LRRC37A3: variants seen among roughly 807,000 people sequenced by gnomAD.
The protein encoded by LRRC37A3 is leucine rich repeat containing 37 member A3.
In LRRC37A3, 25 loss-of-function variants were observed where a neutral mutation model predicts 106.2. The observed-to-expected ratio is 0.24, with a 90% CI of 0.17 to 0.33. LRRC37A3 has a LOEUF of 0.33. Ranked by LOEUF, LRRC37A3 falls within the 10% of genes least tolerant of loss-of-function variation. LRRC37A3 has a pLI of 1.00. For synonymous variants in LRRC37A3, 305 were observed against 635.8 expected (o/e 0.48, Z 7.83); for missense variants, 712 against 1,644.9 (o/e 0.43, Z 9.81).
intron 2 of LRRC37A3, among the ~76,000 whole-genome samples, chr17:64,911,211 G>T: frequency 6.8e-6 from 1 of 147,862 alleles, no homozygotes; most frequent in East Asian, 2.0e-4. Flanking sequence ...CATTTCTGCT[G>T]CTCTTTATCT....
chr17:64,881,809 A>T (rs1306162868), intron 8 of LRRC37A3, among the ~76,000 whole-genome samples: 2 of 150,780 alleles, frequency 1.3e-5, no homozygotes, highest in Non-Finnish European at 2.9e-5. Flanking sequence ...GTGCTCAGCC[A>T]TCATGTCACA....
chr17:64,875,341 T>G (rs116924109), intron 8 of LRRC37A3, among the ~76,000 whole-genome samples: 29 of 152,172 alleles, frequency 1.9e-4, no homozygotes, highest in African/African-American at 6.3e-4. Flanking sequence ...TATTCAAAGT[T>G]CTGAAGAAAC....
intron 10 of LRRC37A3, among the ~76,000 whole-genome samples, chr17:64,867,840 G>A (rs994648849): frequency 6.6e-6 from 1 of 151,976 alleles, no homozygotes; most frequent in Non-Finnish European, 1.5e-5. Context: ...TTGGGAGGCT[G>A]AGGCAGGCGG....
chr17:64,913,060 G>C (rs1476984970), intron 2 of LRRC37A3, among the ~76,000 whole-genome samples: 1 of 144,976 alleles, frequency 6.9e-6, no homozygotes, highest in Admixed American at 7.0e-5. Flanking sequence ...ATGGAGTCTT[G>C]CTCTGTTACC....
At position 64,916,942 on chromosome 17, in the gene LRRC37A3, CA is replaced by C. The variant is rs904117316; in HGVS notation, c.-496+1807del. Reference sequence around the variant, plus strand: ...ACCACCATATACTTATTAAGGTGGCCAAAAAAAAAAAAAAAACTTGAGGCCG... The same window carrying C: ...ACCACCATATACTTATTAAGGTGGCCAAAAAAAAAAAAAAACTTGAGGCCG... On this transcript the variant is annotated intron_variant, in intron 2 of 14. Coordinates refer to ENST00000584306, the MANE Select transcript of LRRC37A3 (RefSeq NM_199340.5). Among the ~76,000 whole-genome samples the C allele has an allele frequency of 3.1e-3, 323 of 103,978 alleles. 2 individuals carry two copies. The highest frequency in any genetic ancestry group is 0.023 in the East Asian group (90 of 3,892). 68.2% of individuals were successfully genotyped at this position (103,978 alleles called of 152,430 possible). A position where few individuals can be genotyped will look rare whatever the true frequency, so the allele number is the denominator to read the frequency against.
At chr17:64,863,890 AC>A (rs1260636499) in intron 10 of LRRC37A3, among the ~76,000 whole-genome samples, 2 of 151,448 alleles carry the variant, frequency 1.3e-5, no homozygotes, top group Non-Finnish European at 2.9e-5. Flanking sequence ...TGCAGCCTCA[AC>A]CCCCCTGGGC....
intron 8 of LRRC37A3, among the ~76,000 whole-genome samples, chr17:64,882,471 A>T (rs1229678415): frequency 6.6e-6 from 1 of 152,176 alleles, no homozygotes; most frequent in South Asian, 2.1e-4. Flanking sequence ...ACAAATTTAA[A>T]CAGCCACCCT....
At chr17:64,864,975 G>A (rs1973009058) in intron 10 of LRRC37A3, among the ~76,000 whole-genome samples, 1 of 152,166 alleles carries the variant, frequency 6.6e-6, no homozygotes. Flanking sequence ...GATTAAAACT[G>A]CATCCAATAA....
chr17:64,877,972 G>T (rs1598411479), intron 8 of LRRC37A3, among the ~76,000 whole-genome samples: 2 of 151,946 alleles, frequency 1.3e-5, no homozygotes, highest in South Asian at 4.2e-4. Flanking sequence ...AATGAAGGTG[G>T]ACCCCCTACA....
intron 11 of LRRC37A3, among the ~76,000 whole-genome samples, chr17:64,861,466 G>A (rs1188168495): frequency 6.6e-6 from 1 of 152,222 alleles, no homozygotes; most frequent in Non-Finnish European, 1.5e-5. Flanking sequence ...GGGTGGAGAT[G>A]CTAAAGTGGA....
chr17:64,865,499 C>T (rs575758019), intron 10 of LRRC37A3, among the ~76,000 whole-genome samples: 39 of 152,280 alleles, frequency 2.6e-4, no homozygotes, highest in African/African-American at 9.4e-4. Context: ...TTCCTTTAAG[C>T]CTTAGGATGG....
chr17:64,859,380 A>C, intron 12 of LRRC37A3, 62 bp downstream of exon 12: 2 of 1,371,738 alleles, frequency 1.5e-6, no homozygotes, highest in Non-Finnish European at 2.0e-6. Context: ...CTGTGTGGGC[A>C]CTTTCCTGGG....
intron 8 of LRRC37A3, among the ~76,000 whole-genome samples, chr17:64,872,104 C>T (rs563830802): frequency 7.1e-6 from 1 of 141,300 alleles, no homozygotes; most frequent in Admixed American, 7.3e-5. Context: ...TGCACTCCAG[C>T]CTGGGCAACA....
At chr17:64,873,349 G>T (rs1268918661) in intron 8 of LRRC37A3, among the ~76,000 whole-genome samples, 1 of 151,464 alleles carries the variant, frequency 6.6e-6, no homozygotes, top group African/African-American at 2.4e-5. Flanking sequence ...TTTTATAGGT[G>T]GGGTCTTGCG....
rs573597136 is a variant in LRRC37A3 at position 64,855,973 on chromosome 17, T to C, written c.4810-84A>G. ...CTGTATTGATTCCTTTTATTCATTA[T>C]AAGTCTCATCTACCTGATGAGGTAA... On this transcript the variant is annotated intron_variant, in intron 13 of 14. Transcript: ENST00000584306. 3.4e-5 allele frequency: 54 copies of C among 1,603,680 alleles called. No individual in the cohort carries two copies. The African/African-American group carries it at 6.2e-4, about 18-fold the overall frequency.
chr17:64,887,457 A>G (rs867696329), intron 6 of LRRC37A3, among the ~76,000 whole-genome samples: 2 of 48,604 alleles, frequency 4.1e-5, no homozygotes, highest in East Asian at 3.7e-4. Context: ...GCAGTGAGCC[A>G]AGATTGCACC....
At chr17:64,864,601 C>T (rs1045549253) in intron 10 of LRRC37A3, among the ~76,000 whole-genome samples, 1 of 151,694 alleles carries the variant, frequency 6.6e-6, no homozygotes, top group Admixed American at 6.6e-5. Flanking sequence ...TAATCTTAGG[C>T]AGTATAGCAT....
chr17:64,855,803 A>G, intron 14 of LRRC37A3, 37 bp downstream of exon 14: 3 of 1,610,688 alleles, frequency 1.9e-6, no homozygotes, highest in South Asian at 2.2e-5. Context: ...CTCCGTCTCA[A>G]AAGAAAAGAA....
intron 12 of LRRC37A3, among the ~76,000 whole-genome samples, chr17:64,859,202 T>C (rs531981420): frequency 6.6e-6 from 1 of 152,248 alleles, no homozygotes; most frequent in South Asian, 2.1e-4. Flanking sequence ...TCCACCCACC[T>C]TGGCCTCCCA....
Sources: gnomAD v4.1 joint callset for allele counts (sites outside exome capture counted in the v4.1 genomes callset) on GRCh38, gnomAD v4.1.1 for gene constraint, MANE v1.5 for transcripts, NCBI Gene and HGNC (gene_info 2026-07-23, HGNC 2026-07-21) for gene names.